The following TNIK variants were observed in gnomAD, a reference collection of about 807,000 sequenced individuals.
TNIK encodes the protein TRAF2 and NCK interacting kinase.
In TNIK, 49 loss-of-function variants were observed where a neutral mutation model predicts 191.3. The observed-to-expected ratio is 0.26, with a 90% confidence interval of 0.20 to 0.32. TNIK has a LOEUF of 0.32. Among genes scored for constraint, TNIK ranks in the 10% least tolerant of loss-of-function variants. The pLI is 1.00. For synonymous variants in TNIK, 594 were observed against 600.9 expected, an observed-to-expected ratio of 0.99 and a Z score of 0.17; for missense variants, 1,155 against 1,702.3, an observed-to-expected ratio of 0.68 and a Z score of 5.66.
At chr3:171,353,753 C>T (rs1713583236) in intron 2 of TNIK, among the ~76,000 whole-genome samples, 2 of 152,226 alleles carry the variant, frequency 1.3e-5, no homozygotes, top group Admixed American at 6.5e-5. Context: ...TGACCTTCCA[C>T]ATGGGTGTTT....
intron 2 of TNIK, among the ~76,000 whole-genome samples, chr3:171,322,737 A>G (rs1430491747): frequency 6.6e-6 from 1 of 152,124 alleles, no homozygotes; most frequent in African/African-American, 2.4e-5. Flanking sequence ...TGCTCAGGAA[A>G]GCTATAAGGC....
At chr3:171,116,498 G>T (rs1401337052) in intron 18 of TNIK, among the ~76,000 whole-genome samples, 1 of 152,232 alleles carries the variant, frequency 6.6e-6, no homozygotes, top group African/African-American at 2.4e-5. Flanking sequence ...AGTCAAAACA[G>T]AAAATTGGGA....
At chr3:171,376,279 A>T (rs1197592078) in intron 1 of TNIK, among the ~76,000 whole-genome samples, 1 of 152,124 alleles carries the variant, frequency 6.6e-6, no homozygotes, top group Non-Finnish European at 1.5e-5. Flanking sequence ...AACAACCCCC[A>T]GATTCTAGTT....
chr3:171,318,761 T>C (rs766607124), intron 2 of TNIK, among the ~76,000 whole-genome samples: 3 of 152,174 alleles, frequency 2.0e-5, no homozygotes, highest in Non-Finnish European at 4.4e-5. Flanking sequence ...CACATCTTAG[T>C]TTAAGCACTA....
chr3:171,445,622 G>T (rs546410889), intron 1 of TNIK, among the ~76,000 whole-genome samples: 2 of 152,114 alleles, frequency 1.3e-5, no homozygotes, highest in Admixed American at 1.3e-4. Context: ...AAGCCGCACA[G>T]GTCCTTGCTC....
chr3:171,169,555 A>G (rs1330698105), intron 9 of TNIK, among the ~76,000 whole-genome samples: 2 of 152,226 alleles, frequency 1.3e-5, no homozygotes, highest in African/African-American at 4.8e-5. Context: ...GGCATGGGCC[A>G]CCGCACCTGC....
At chr3:171,302,231 T>C (rs1238748681) in intron 2 of TNIK, among the ~76,000 whole-genome samples, 2 of 152,132 alleles carry the variant, frequency 1.3e-5, no homozygotes, top group Non-Finnish European at 2.9e-5. Flanking sequence ...CACAAGCCTG[T>C]CTCTGATAGG....
chr3:171,419,199 A>T (rs1723443881), intron 1 of TNIK, among the ~76,000 whole-genome samples: 2 of 152,218 alleles, frequency 1.3e-5, no homozygotes, highest in Admixed American at 6.5e-5. Context: ...TATAACATGT[A>T]ACAACGTGGA....
At position 171,063,810 on chromosome 3, in the gene TNIK, T is replaced by A; in HGVS notation, c.*71A>T. 1 of 1,510,360 alleles carries A rather than the reference T, an allele frequency of 6.6e-7. No individual in the cohort carries two copies. Among genetic ancestry groups the A allele is most frequent in the Non-Finnish European group, 9.1e-7 (1 of 1,101,358 alleles). The allele number at this position is 1,510,360 out of a possible 1,614,324, so 93.6% of individuals were successfully genotyped here. ...TTCTGATTCTGCCTCTAGACTGGCA[T>A]AAGTCCACATGAGTTATGTTCTTTT... On this transcript the variant is annotated 3_prime_UTR_variant, in exon 33 of 33. Coordinates refer to ENST00000436636, the MANE Select transcript of TNIK (RefSeq NM_015028.4).
At chr3:171,173,002 G>A (rs9856848) in intron 9 of TNIK, among the ~76,000 whole-genome samples, 11,668 of 152,162 alleles carry the variant, frequency 0.077, 1,520 homozygotes, top group African/African-American at 0.27. Context: ...GGTGAAAACT[G>A]ACACTGTAGG....
chr3:171,347,425 A>C (rs1483223974), intron 2 of TNIK, among the ~76,000 whole-genome samples: 1 of 145,286 alleles, frequency 6.9e-6, no homozygotes. Flanking sequence ...ACACACAAGT[A>C]AAGAGAAGCC....
At chr3:171,357,918 T>C (rs1392965633) in intron 2 of TNIK, among the ~76,000 whole-genome samples, 1 of 152,098 alleles carries the variant, frequency 6.6e-6, no homozygotes, top group Non-Finnish European at 1.5e-5. Context: ...GCAGAGGTCA[T>C]GTCATAGGAA....
intron 2 of TNIK, among the ~76,000 whole-genome samples, chr3:171,319,598 A>T (rs1754978131): frequency 6.6e-6 from 1 of 152,188 alleles, no homozygotes; most frequent in Non-Finnish European, 1.5e-5. Context: ...GGCTGACCCG[A>T]CAGACAAATT....
chr3:171,097,966 T>G (rs182539485), intron 22 of TNIK, among the ~76,000 whole-genome samples: 48 of 152,232 alleles, frequency 3.2e-4, no homozygotes, highest in Middle Eastern at 3.4e-3. Context: ...TATACTGATA[T>G]AAATGATGGA....
chr3:171,242,157 A>AT (rs1454254119), intron 2 of TNIK, among the ~76,000 whole-genome samples: 3 of 122,498 alleles, frequency 2.4e-5, no homozygotes, highest in African/African-American at 5.5e-5. Flanking sequence ...TAGAACTTAA[A>AT]TTAAAAAAAA....
At chr3:171,123,058 T>C (rs1727968443) in intron 18 of TNIK, among the ~76,000 whole-genome samples, 1 of 152,224 alleles carries the variant, frequency 6.6e-6, no homozygotes, top group Non-Finnish European at 1.5e-5. Context: ...CAGTGACCTT[T>C]GTAATGCCAA....
At chr3:171,096,249 AC>A (rs1290745745) in intron 22 of TNIK, among the ~76,000 whole-genome samples, 1 of 151,330 alleles carries the variant, frequency 6.6e-6, no homozygotes, top group African/African-American at 2.4e-5. Context: ...TTCCTCTGTT[AC>A]CTGAATAACA....
chr3:171,304,393 C>G (rs1264532629), intron 2 of TNIK, among the ~76,000 whole-genome samples: 1 of 152,090 alleles, frequency 6.6e-6, no homozygotes, highest in Non-Finnish European at 1.5e-5. Flanking sequence ...GAAATAGGAA[C>G]ACTTTTACAC....
intron 2 of TNIK, among the ~76,000 whole-genome samples, chr3:171,271,353 C>T (rs369279069): frequency 2.0e-5 from 3 of 152,108 alleles, no homozygotes; most frequent in African/African-American, 7.2e-5. Context: ...TTCAAGCTCC[C>T]CTGCCTGGTA....
Sources: allele counts gnomAD v4.1 joint callset (sites outside exome capture counted in the v4.1 genomes callset), GRCh38; gene constraint gnomAD v4.1.1; transcripts MANE v1.5; gene names NCBI Gene and HGNC (gene_info 2026-07-23, HGNC 2026-07-21).